PRELID2: variants seen among roughly 807,000 people sequenced by gnomAD.
PRELID2 encodes the protein PRELI domain-containing protein 2.
PRELID2 carries 25 observed loss-of-function variants against 28.4 expected under a neutral mutation model. The observed-to-expected ratio is 0.88, with a 90% confidence interval of 0.64 to 1.23. PRELID2 has a LOEUF of 1.23. Ranked by LOEUF, PRELID2 falls within the 50% of genes most tolerant of loss-of-function variation. The pLI is 0.00. For synonymous variants in PRELID2, 76 were observed against 71.6 expected (o/e 1.06, Z -0.31); for missense variants, 201 against 214.4 (o/e 0.94, Z 0.39).
the PRELID2 span, chr5:145,450,876 T>C: frequency 1.3e-5 from 2 of 152,086 alleles, no homozygotes; most frequent in African/African-American, 4.8e-5. Context: ...GCAACAACAT[T>C]TATGGTAATT....
At chr5:145,578,051 C>G (rs569665443) in intron 1 of PRELID2, among the ~76,000 whole-genome samples, 19 of 152,258 alleles carry the variant, frequency 1.2e-4, no homozygotes, top group African/African-American at 4.6e-4. Context: ...CCCCAACATT[C>G]TGCAGTTTCA....
downstream of PRELID2, among the ~76,000 whole-genome samples, chr5:145,752,091 A>T (rs908296361): frequency 6.6e-6 from 1 of 152,184 alleles, no homozygotes; most frequent in Non-Finnish European, 1.5e-5. Context: ...ATTGCATGCA[A>T]TACCCCCCAG....
At chr5:145,575,293 A>G (rs1753051284) in intron 1 of PRELID2, among the ~76,000 whole-genome samples, 1 of 152,218 alleles carries the variant, frequency 6.6e-6, no homozygotes, top group Non-Finnish European at 1.5e-5. Flanking sequence ...TTAACCTGAC[A>G]TCTACAGGAA....
intron 4 of PRELID2, among the ~76,000 whole-genome samples, chr5:145,816,659 A>G (rs1175571714): frequency 6.6e-6 from 1 of 152,158 alleles, no homozygotes; most frequent in Non-Finnish European, 1.5e-5. Flanking sequence ...ATATCCAGTT[A>G]TCTCAGCACC....
downstream of PRELID2, among the ~76,000 whole-genome samples, chr5:145,467,924 T>A (rs564473252): frequency 4.8e-4 from 72 of 149,306 alleles, no homozygotes; most frequent in African/African-American, 8.2e-4. Flanking sequence ...ATATATATAT[T>A]TTTTTATTAT....
chr5:145,422,426 G>A, the PRELID2 span, among the ~76,000 whole-genome samples: 3 of 152,152 alleles, frequency 2.0e-5, no homozygotes, highest in South Asian at 2.1e-4. Context: ...CCTGTATTGG[G>A]TGCATATATT....
At chr5:145,254,455 C>A in the PRELID2 span, among the ~76,000 whole-genome samples, 1 of 152,076 alleles carries the variant, frequency 6.6e-6, no homozygotes, top group Non-Finnish European at 1.5e-5. Flanking sequence ...GCAGCCAGAT[C>A]TCCTGCCTCA....
At chr5:145,576,034 C>G (rs1452963551) in intron 1 of PRELID2, among the ~76,000 whole-genome samples, 1 of 152,132 alleles carries the variant, frequency 6.6e-6, no homozygotes, top group Admixed American at 6.5e-5. Flanking sequence ...TCAGGGAAGC[C>G]TACTTCTCTA....
In PRELID2 at chr5:145,817,196, A is replaced by AAT. The variant is rs1165491787; in HGVS notation, c.368+697_368+698insAT. ...ACAGAGCAAGACTGCATTTCAAAAA[A>AAT]AAATAAATAAATAAATAAAAAAAAA... is the stretch of plus-strand genomic sequence containing the variant. On this transcript the variant is annotated intron_variant, in intron 4 of 6. Coordinates refer to ENST00000683046, the MANE Select transcript of PRELID2 (RefSeq NM_205846.3). 5.8e-5 allele frequency among the ~76,000 whole-genome samples: 5 copies of AAT among 85,492 alleles called. 1 individual carries two copies. The highest frequency in any genetic ancestry group is 4.3e-4 in the South Asian group (1 of 2,308). 56.1% of individuals were successfully genotyped at this position (85,492 alleles called of 152,430 possible).
intron 1 of PRELID2, among the ~76,000 whole-genome samples, chr5:145,559,961 T>C (rs986914943): frequency 6.6e-6 from 1 of 152,138 alleles, no homozygotes; most frequent in Non-Finnish European, 1.5e-5. Flanking sequence ...AATAAACCCA[T>C]TATAAGATGC....
intron 1 of PRELID2, among the ~76,000 whole-genome samples, chr5:145,751,312 A>G (rs1473286334): frequency 6.6e-6 from 1 of 152,198 alleles, no homozygotes; most frequent in Non-Finnish European, 1.5e-5. Context: ...TCTGCAGAAC[A>G]TGGAAATTTC....
intron 1 of PRELID2, among the ~76,000 whole-genome samples, chr5:145,506,648 A>G (rs565803173): frequency 7.2e-5 from 11 of 152,312 alleles, no homozygotes; most frequent in African/African-American, 2.4e-4. Flanking sequence ...CCCAACATTA[A>G]TGGGGCAGGA....
intron 1 of PRELID2, among the ~76,000 whole-genome samples, chr5:145,825,543 C>T (rs61130363): frequency 0.041 from 6,316 of 152,196 alleles, 430 homozygotes; most frequent in African/African-American, 0.14. Flanking sequence ...CTGAATATTA[C>T]AAATTCAACA....
the PRELID2 span, among the ~76,000 whole-genome samples, chr5:145,277,883 C>T: frequency 6.6e-6 from 1 of 152,180 alleles, no homozygotes; most frequent in Admixed American, 6.5e-5. Flanking sequence ...CTAGGCCACC[C>T]TGTGGCCTTC....
chr5:145,613,183 G>A (rs555912675), intron 1 of PRELID2, among the ~76,000 whole-genome samples: 4 of 152,276 alleles, frequency 2.6e-5, no homozygotes, highest in Middle Eastern at 6.8e-3. Flanking sequence ...TTGCAGGAGT[G>A]AGGTAGTATC....
At chr5:145,311,312 C>T in the PRELID2 span, among the ~76,000 whole-genome samples, 3 of 150,672 alleles carry the variant, frequency 2.0e-5, no homozygotes, top group African/African-American at 7.4e-5. Context: ...GACACCAGAA[C>T]ACTGTAGCAC....
the PRELID2 span, among the ~76,000 whole-genome samples, chr5:145,272,771 T>A: frequency 6.6e-6 from 1 of 152,192 alleles, no homozygotes; most frequent in Non-Finnish European, 1.5e-5. Flanking sequence ...ATGATATCAA[T>A]TTTTCTAATA....
chr5:145,285,000 G>A, the PRELID2 span, among the ~76,000 whole-genome samples: 3 of 152,028 alleles, frequency 2.0e-5, no homozygotes, highest in Admixed American at 2.0e-4. Context: ...ACTTGTACTG[G>A]TCCCATTTCA....
At chr5:145,446,040 A>AAAAT in the PRELID2 span, among the ~76,000 whole-genome samples, 3 of 152,182 alleles carry the variant, frequency 2.0e-5, no homozygotes, top group African/African-American at 7.2e-5. Context: ...CTAGAAAGGA[A>AAAAT]AAATAAATTC....
Sources: gnomAD v4.1 joint callset for allele counts (sites outside exome capture counted in the v4.1 genomes callset) on GRCh38, gnomAD v4.1.1 for gene constraint, MANE v1.5 for transcripts, NCBI Gene and HGNC (gene_info 2026-07-23, HGNC 2026-07-21) for gene names.